Variants in ZHX2 observed in about 807,000 individuals in gnomAD.
ZHX2 encodes the protein zinc fingers and homeoboxes 2, also known as zinc fingers and homeoboxes protein 2.
In ZHX2, 6 loss-of-function variants were observed where a neutral mutation model predicts 21.9. That is an observed-to-expected ratio of 0.27 (90% confidence interval 0.15 to 0.54). The LOEUF is 0.54. ZHX2 is among the 20% of genes least tolerant of loss of function. The pLI, the probability that ZHX2 is intolerant of heterozygous loss-of-function variation, is 0.95. For missense variants in ZHX2, 908 were observed against 1,090.7 expected (o/e 0.83, Z 2.36); for synonymous variants, 434 against 437.1 (o/e 0.99, Z 0.09).
chr8:122,880,481 A>G (rs571348940), intron 2 of ZHX2, among the ~76,000 whole-genome samples: 1 of 151,550 alleles, frequency 6.6e-6, no homozygotes, highest in South Asian at 2.1e-4. Flanking sequence ...TGAGATAGAG[A>G]TGCTCATGAG....
chr8:122,780,601 G>C (rs966158347), upstream of ZHX2: 2 of 152,206 alleles, frequency 1.3e-5, no homozygotes, highest in Non-Finnish European at 2.9e-5. Context: ...GGAGCGCGGC[G>C]CCCGGAATAC....
At chr8:122,792,049 C>G (rs1404322217) in intron 1 of ZHX2, among the ~76,000 whole-genome samples, 1 of 152,106 alleles carries the variant, frequency 6.6e-6, no homozygotes, top group African/African-American at 2.4e-5. Flanking sequence ...AATTATGCAA[C>G]CATTACCACA....
chr8:122,790,253 G>A (rs375566174), intron 1 of ZHX2, among the ~76,000 whole-genome samples: 7 of 152,156 alleles, frequency 4.6e-5, no homozygotes, highest in Non-Finnish European at 7.3e-5. Flanking sequence ...ACTGAGGCCC[G>A]GAAAGGTAAG....
In ZHX2 at chr8:122,909,671, G is replaced by A. The variant is rs553549352; in HGVS notation, c.-219-41621G>A. 3.8e-4 allele frequency among the ~76,000 whole-genome samples: 58 copies of A among 152,120 alleles called. No individual in the cohort carries two copies. The East Asian group carries it at 7.0e-3, about 18-fold the overall frequency. ...GCAGAAACCTGGGAGGTGCCAGGGCGTGGTATTCACACTGGCTTCCACATT... is the reference window on the plus strand; with the variant it reads ...GCAGAAACCTGGGAGGTGCCAGGGCATGGTATTCACACTGGCTTCCACATT... On this transcript the variant is annotated intron_variant, in intron 2 of 3. Transcript: ENST00000314393.
intron 1 of ZHX2, among the ~76,000 whole-genome samples, chr8:122,806,446 G>T (rs1251202268): frequency 1.3e-5 from 2 of 152,216 alleles, no homozygotes; most frequent in Non-Finnish European, 2.9e-5. Flanking sequence ...CAGTTTGTAT[G>T]CATTACAGAA....
At chr8:122,968,209 G>A (rs1451841607) in intron 3 of ZHX2, among the ~76,000 whole-genome samples, 2 of 152,118 alleles carry the variant, frequency 1.3e-5, no homozygotes, top group African/African-American at 2.4e-5. Context: ...TGGCCAATAT[G>A]CACTGATAGG....
At chr8:122,823,592 A>G (rs1365851718) in intron 1 of ZHX2, among the ~76,000 whole-genome samples, 3 of 152,204 alleles carry the variant, frequency 2.0e-5, no homozygotes, top group Admixed American at 1.3e-4. Context: ...TGAAGATCCC[A>G]CTTTCTACTC....
chr8:122,799,390 C>T (rs922411381), intron 1 of ZHX2, among the ~76,000 whole-genome samples: 6 of 137,422 alleles, frequency 4.4e-5, no homozygotes, highest in South Asian at 2.4e-4. Flanking sequence ...TTGGCTTGTG[C>T]GCCACAATTT....
intron 3 of ZHX2, among the ~76,000 whole-genome samples, chr8:122,961,283 GA>G (rs1294376254): frequency 6.6e-6 from 1 of 152,174 alleles, no homozygotes; most frequent in Non-Finnish European, 1.5e-5. Context: ...AGTCCTATGA[GA>G]TTAGGACTTA....
In ZHX2 at chr8:122,816,115, C is replaced by T. The variant is rs560317055; in HGVS notation, c.-283+34169C>T. 2.6e-5 allele frequency among the ~76,000 whole-genome samples: 4 copies of T among 151,390 alleles called. No individual in the cohort carries two copies. The East Asian group carries it at 5.8e-4, about 22-fold the overall frequency. ...AAAAAAAAAGGGAGATTGCCATAGC[C>T]ACTCCAGCCTTCAGCAACCACCACT... On this transcript the variant is annotated intron_variant, in intron 1 of 3. Coordinates refer to ENST00000314393, the MANE Select transcript of ZHX2 (RefSeq NM_014943.5).
chr8:122,865,214 C>T lies in ZHX2; in HGVS notation c.-220+1675C>T, dbSNP rs183435662. 6.9e-3 allele frequency among the ~76,000 whole-genome samples: 1,050 copies of T among 151,858 alleles called. 10 individuals carry two copies. The highest frequency in any genetic ancestry group is 0.021 in the Middle Eastern group (6 of 292). On this transcript the variant is annotated intron_variant, in intron 2 of 3. Coordinates refer to ENST00000314393, the MANE Select transcript of ZHX2 (RefSeq NM_014943.5). ...CACGATCTCTGCTCACTGCAAGTTC[C>T]GCCTCCCAGGTTCATGCCATTCTCC...
chr8:122,824,413 A>ATGAACCC (rs1818218460), intron 1 of ZHX2, among the ~76,000 whole-genome samples: 1 of 152,110 alleles, frequency 6.6e-6, no homozygotes, highest in South Asian at 2.1e-4. Flanking sequence ...ATATTGTCCA[A>ATGAACCC]TGAACCCTCA....
chr8:122,894,621 G>A (rs1820054007), intron 2 of ZHX2, among the ~76,000 whole-genome samples: 1 of 152,094 alleles, frequency 6.6e-6, no homozygotes, highest in South Asian at 2.1e-4. Context: ...ACAGGAAAGG[G>A]AACATCATAC....
chr8:122,951,817 A>G lies in ZHX2; in HGVS notation c.307A>G (p.Asn103Asp). ...FTEHVDMQHP[N>D]VILNPLYVCA... Reference sequence around the variant, plus strand: ...GGAGCATGTCGACATGCAGCATCCCAACGTGATTCTCAACCCCCTCTACGT... The same window carrying G: ...GGAGCATGTCGACATGCAGCATCCCGACGTGATTCTCAACCCCCTCTACGT... The change falls in exon 3 of 4, where the codon AAC (asparagine) becomes GAC (aspartate). Residue 103 changes from asparagine (N) to aspartate (D), a missense_variant. Around this residue, in one of 4 missense-constraint regions of ZHX2, gnomAD observed 220 missense variants for 251.4 expected, o/e 0.88. Coordinates refer to ENST00000314393, the MANE Select transcript of ZHX2 (RefSeq NM_014943.5). 1 of 1,614,152 alleles carries G rather than the reference A, an allele frequency of 6.2e-7. No homozygotes were observed. The highest frequency in any genetic ancestry group is 1.1e-5 in the South Asian group (1 of 91,074).
intron 1 of ZHX2, chr8:122,808,883 A>G (rs948553326): frequency 6.6e-6 from 1 of 152,228 alleles, no homozygotes; most frequent in Non-Finnish European, 1.5e-5. Context: ...ATTAACAAAT[A>G]TTGTCAATGT....
intron 2 of ZHX2, among the ~76,000 whole-genome samples, chr8:122,891,869 T>A (rs1044087440): frequency 3.3e-5 from 5 of 152,236 alleles, no homozygotes; most frequent in Non-Finnish European, 5.9e-5. Flanking sequence ...ATGTTCCATG[T>A]GCTAATGAAA....
chr8:122,878,265 C>T (rs557003796), intron 2 of ZHX2, among the ~76,000 whole-genome samples: 1 of 152,270 alleles, frequency 6.6e-6, no homozygotes, highest in Non-Finnish European at 1.5e-5. Context: ...CACAATAGTG[C>T]TTCATGACAA....
intron 3 of ZHX2, among the ~76,000 whole-genome samples, chr8:122,955,879 C>G (rs901556868): frequency 1.5e-5 from 2 of 132,936 alleles, no homozygotes; most frequent in African/African-American, 5.6e-5. Flanking sequence ...GAGTCTCACT[C>G]TGTTGCCCAG....
At position 122,947,138 on chromosome 8, in the gene ZHX2, T is replaced by C. The variant is rs1263127488; in HGVS notation, c.-219-4154T>C. Among the ~76,000 whole-genome samples, 3 of 149,404 alleles carry C rather than the reference T, an allele frequency of 2.0e-5. No individual in the cohort carries two copies. The East Asian group carries it at 5.9e-4, about 29-fold the overall frequency. On this transcript the variant is annotated intron_variant, in intron 2 of 3. Coordinates refer to ENST00000314393, the MANE Select transcript of ZHX2 (RefSeq NM_014943.5). ...AAAATTAGTCAGGCATGGTGGCTTA[T>C]GCGTGTGGTCCCAACTTCTTGGGAG...
Sources: gnomAD v4.1 joint callset for allele counts (sites outside exome capture counted in the v4.1 genomes callset) on GRCh38, gnomAD v4.1.1 for gene constraint, gnomAD v4.1.1 regional missense constraint, MANE v1.5 for transcripts, NCBI Gene and HGNC (gene_info 2026-07-23, HGNC 2026-07-21) for gene names.